The following ZSWIM5 variants were observed in gnomAD, a reference collection of about 807,000 sequenced individuals.
ZSWIM5 encodes zinc finger SWIM-type containing 5, also known as zinc finger SWIM domain-containing protein 5.
Under a neutral mutation model 119.6 loss-of-function variants are expected in ZSWIM5, and 55 were observed. That is an observed-to-expected ratio of 0.46 (90% confidence interval 0.37 to 0.58). The LOEUF (loss-of-function observed/expected upper bound fraction) is 0.58, where lower values mean the gene tolerates loss of function less well. ZSWIM5 is among the 20% of genes least tolerant of loss of function. The pLI, the probability that ZSWIM5 is intolerant of heterozygous loss-of-function variation, is 0.00. For missense variants in ZSWIM5, 1,193 were observed against 1,512.8 expected (o/e 0.79, Z 3.51); for synonymous variants, 537 against 606.9 (o/e 0.88, Z 1.69).
At chr1:45,105,976 T>C (rs1207763596) in intron 1 of ZSWIM5, among the ~76,000 whole-genome samples, 177 of 58,376 alleles carry the variant, frequency 3.0e-3, no homozygotes, top group African/African-American at 4.1e-3. Flanking sequence ...CTCTGCCCGG[T>C]TGCCCCGAAT....
intron 2 of ZSWIM5, among the ~76,000 whole-genome samples, chr1:45,076,831 T>C (rs1388148627): frequency 2.0e-5 from 3 of 151,968 alleles, no homozygotes; most frequent in African/African-American, 7.2e-5. Flanking sequence ...AATTTTCAAA[T>C]AGCCTGTCTT....
chr1:45,161,276 G>A (rs1387519979), intron 1 of ZSWIM5, among the ~76,000 whole-genome samples: 2 of 152,152 alleles, frequency 1.3e-5, no homozygotes, highest in African/African-American at 4.8e-5. Flanking sequence ...ACACCTAGTA[G>A]TGAGATTGCT....
chr1:45,131,702 G>A (rs577090781), intron 1 of ZSWIM5, among the ~76,000 whole-genome samples: 2 of 137,790 alleles, frequency 1.5e-5, no homozygotes, highest in East Asian at 2.2e-4. Context: ...TCCAGCCTGG[G>A]AGACAAAGCA....
intron 1 of ZSWIM5, among the ~76,000 whole-genome samples, chr1:45,185,489 G>A (rs1325786921): frequency 6.6e-6 from 1 of 151,946 alleles, no homozygotes; most frequent in Admixed American, 6.6e-5. Flanking sequence ...GAAAATTTTT[G>A]CAACCTACTC....
At chr1:45,148,017 T>C (rs1309287479) in intron 1 of ZSWIM5, among the ~76,000 whole-genome samples, 2 of 152,228 alleles carry the variant, frequency 1.3e-5, no homozygotes, top group Non-Finnish European at 2.9e-5. Flanking sequence ...GTTTGCAGTC[T>C]GTCATTTCAT....
chr1:45,029,019 C>G (rs1644936778), intron 11 of ZSWIM5, among the ~76,000 whole-genome samples: 1 of 152,090 alleles, frequency 6.6e-6, no homozygotes. Context: ...CTCTCTGAAC[C>G]ATTTGAAAGT....
chr1:45,125,706 G>A (rs567165665), intron 1 of ZSWIM5, among the ~76,000 whole-genome samples: 6 of 150,776 alleles, frequency 4.0e-5, no homozygotes, highest in African/African-American at 1.5e-4. Context: ...CCTGGGAGGC[G>A]GAGCCGAGAT....
intron 4 of ZSWIM5, among the ~76,000 whole-genome samples, chr1:45,056,320 C>T (rs920569357): frequency 7.9e-5 from 12 of 152,018 alleles, no homozygotes; most frequent in East Asian, 3.8e-4. Context: ...AGGTGAGGCA[C>T]GGTGACTCAC....
intron 11 of ZSWIM5, among the ~76,000 whole-genome samples, chr1:45,030,198 C>A (rs1455751021): frequency 2.0e-5 from 3 of 152,134 alleles, no homozygotes; most frequent in Admixed American, 6.6e-5. Context: ...CCCACCTCAG[C>A]CTCCCAAAGT....
chr1:45,157,807 A>G (rs983827786), intron 1 of ZSWIM5, among the ~76,000 whole-genome samples: 4 of 152,088 alleles, frequency 2.6e-5, no homozygotes, highest in African/African-American at 9.7e-5. Context: ...TATGTCTGAG[A>G]CTTCTGAATG....
intron 9 of ZSWIM5, 70 bp from the exon 10 acceptor site, chr1:45,035,893 G>T: frequency 6.3e-7 from 1 of 1,593,102 alleles, no homozygotes; most frequent in South Asian, 1.1e-5. Flanking sequence ...TTGAGCCCCA[G>T]TATCTCATGC....
At chr1:45,151,624 G>A (rs573567850) in intron 1 of ZSWIM5, among the ~76,000 whole-genome samples, 31 of 152,136 alleles carry the variant, frequency 2.0e-4, no homozygotes, top group African/African-American at 7.0e-4. Flanking sequence ...CTAACCTAGT[G>A]GGATTAGGAA....
chr1:45,136,272 C>G (rs913959287), intron 1 of ZSWIM5, among the ~76,000 whole-genome samples: 7 of 152,082 alleles, frequency 4.6e-5, no homozygotes, highest in Non-Finnish European at 1.0e-4. Flanking sequence ...CTACATTAAT[C>G]TTAAATCCAT....
chr1:45,053,472 G>A (rs6694453), intron 4 of ZSWIM5, among the ~76,000 whole-genome samples: 1,668 of 152,000 alleles, frequency 0.011, 24 homozygotes, highest in Middle Eastern at 0.017. Flanking sequence ...TATTAAGAAG[G>A]GGATCCTGGC....
intron 1 of ZSWIM5, among the ~76,000 whole-genome samples, chr1:45,110,685 C>A (rs1428911615): frequency 2.0e-5 from 3 of 151,924 alleles, no homozygotes; most frequent in African/African-American, 7.3e-5. Context: ...GCAAAATCGA[C>A]AAGAAAAAGA....
At chr1:45,065,919 T>C (rs527520771) in intron 2 of ZSWIM5, among the ~76,000 whole-genome samples, 13 of 152,134 alleles carry the variant, frequency 8.5e-5, no homozygotes, top group African/African-American at 3.1e-4. Context: ...TGTGCAGGTT[T>C]GTTATATATG....
Position 45,034,414 on chromosome 1 carries a change from T to C in ZSWIM5, c.2347A>G (p.Met783Val). The C allele has an allele frequency of 1.2e-6, 2 of 1,613,800 alleles. No homozygotes were observed. Among genetic ancestry groups the C allele is most frequent in the Non-Finnish European group, 1.7e-6 (2 of 1,179,868 alleles). ...SAGDTSHPHH[M>V]VSVVPSRYPR... Reference sequence around the variant, plus strand: ...TAACGGCTGGGCACCACAGACACCATATGGTGAGGGTGGGATGTGTCGCCT... The same window carrying C: ...TAACGGCTGGGCACCACAGACACCACATGGTGAGGGTGGGATGTGTCGCCT... Residue 783 changes from methionine (M) to valine (V), a missense_variant, in exon 11 of 14, where the codon ATG (methionine) becomes GTG (valine). Met to Val is a conservative substitution (Grantham distance 21, BLOSUM62 1). Around this residue, in one of 2 missense-constraint regions of ZSWIM5, gnomAD observed 961 missense variants for 1,290.0 expected, o/e 0.74. Coordinates refer to ENST00000359600, the MANE Select transcript of ZSWIM5 (RefSeq NM_020883.2).
intron 1 of ZSWIM5, among the ~76,000 whole-genome samples, chr1:45,155,729 G>A (rs909736008): frequency 6.6e-6 from 1 of 152,204 alleles, no homozygotes; most frequent in African/African-American, 2.4e-5. Context: ...AATGGCACTC[G>A]CAGCAACCTG....
chr1:45,180,518 A>G, intron 1 of ZSWIM5, among the ~76,000 whole-genome samples: 1 of 152,168 alleles, frequency 6.6e-6, no homozygotes. Context: ...CAGACAAACA[A>G]AAAGACAGCA....
Sources: allele counts gnomAD v4.1 joint callset (sites outside exome capture counted in the v4.1 genomes callset), GRCh38; gene constraint gnomAD v4.1.1; regional missense constraint gnomAD v4.1.1; transcripts MANE v1.5; gene names NCBI Gene and HGNC (gene_info 2026-07-23, HGNC 2026-07-21).